Variants in PTPRQ observed in about 807,000 individuals in gnomAD.
The protein encoded by PTPRQ is protein tyrosine phosphatase receptor type Q.
Under a neutral mutation model 246.0 loss-of-function variants are expected in PTPRQ, and 199 were observed. The observed-to-expected ratio is 0.81, with a 90% confidence interval of 0.72 to 0.91. The LOEUF is 0.91. Ranked by LOEUF, PTPRQ falls within the 40% of genes least tolerant of loss-of-function variation. The pLI is 0.00. For synonymous variants in PTPRQ, 869 were observed against 853.2 expected (o/e 1.02, Z -0.32); for missense variants, 2,624 against 2,528.4 (o/e 1.04, Z -0.81).
At chr12:80,666,179 C>G (rs922153880) in intron 39 of PTPRQ, among the ~76,000 whole-genome samples, 1 of 151,900 alleles carries the variant, frequency 6.6e-6, no homozygotes, top group Non-Finnish European at 1.5e-5. Flanking sequence ...TATTCATCAA[C>G]AGATGAATGA....
At chr12:80,506,502 T>C (rs1565751990) in intron 15 of PTPRQ, 67 bp from the exon 16 acceptor site, 2 of 1,257,550 alleles carry the variant, frequency 1.6e-6, no homozygotes, top group Non-Finnish European at 2.2e-6. Flanking sequence ...CATTTCATAG[T>C]TTGCCTCTTG....
chr12:80,461,846 C>G (rs2120487377), intron 6 of PTPRQ: 1 of 150,488 alleles, frequency 6.6e-6, no homozygotes, highest in East Asian at 1.9e-4. Flanking sequence ...TTACATACTC[C>G]TTACTTTTTA....
At chr12:80,559,339 C>T (rs1329266130) in intron 25 of PTPRQ, among the ~76,000 whole-genome samples, 1 of 152,200 alleles carries the variant, frequency 6.6e-6, no homozygotes, top group African/African-American at 2.4e-5. Context: ...CCATCGCGCC[C>T]GGCCTGTAGT....
chr12:80,483,796 C>T (rs1208784561), intron 8 of PTPRQ, among the ~76,000 whole-genome samples: 1 of 151,876 alleles, frequency 6.6e-6, no homozygotes, highest in African/African-American at 2.4e-5. Flanking sequence ...CATGTGTTCT[C>T]ATTGTTCAGC....
intron 17 of PTPRQ, among the ~76,000 whole-genome samples, chr12:80,524,402 G>A (rs1253999893): frequency 1.3e-5 from 2 of 152,008 alleles, no homozygotes; most frequent in Non-Finnish European, 2.9e-5. Flanking sequence ...ATGATTGTGA[G>A]GCCTCCTAAG....
intron 26 of PTPRQ, among the ~76,000 whole-genome samples, chr12:80,597,276 G>T (rs1394319080): frequency 6.6e-6 from 1 of 151,880 alleles, no homozygotes; most frequent in Non-Finnish European, 1.5e-5. Context: ...GATTTATCCT[G>T]GCCCTAAGAC....
At chr12:80,493,530 T>C in intron 10 of PTPRQ, 75 bp downstream of exon 10, 1 of 1,439,032 alleles carries the variant, frequency 6.9e-7, no homozygotes, top group Non-Finnish European at 9.1e-7. Flanking sequence ...GAACCTAAGC[T>C]TAGAGTTCAG....
intron 25 of PTPRQ, chr12:80,584,025 T>C (rs546072004): frequency 2.3e-4 from 35 of 152,314 alleles, no homozygotes; most frequent in African/African-American, 8.2e-4. Flanking sequence ...TTTAAAGCTT[T>C]GACTTCCTTT....
intron 8 of PTPRQ, among the ~76,000 whole-genome samples, chr12:80,478,497 T>C (rs542877072): frequency 6.6e-6 from 1 of 152,290 alleles, no homozygotes; most frequent in Non-Finnish European, 1.5e-5. Context: ...AGGAATGCAG[T>C]TCCTCACCAG....
At chr12:80,446,469 G>A (rs918618841) in intron 3 of PTPRQ, among the ~76,000 whole-genome samples, 4 of 151,754 alleles carry the variant, frequency 2.6e-5, no homozygotes, top group African/African-American at 9.7e-5. Flanking sequence ...GGGGACATGT[G>A]TGCAGGTTTG....
chr12:80,535,115 G>T (rs1173642324), intron 19 of PTPRQ, 78 bp downstream of exon 19: 12 of 1,346,410 alleles, frequency 8.9e-6, no homozygotes, highest in Non-Finnish European at 1.2e-5. Flanking sequence ...CACAGTAAAA[G>T]AAATTGTTTA....
chr12:80,498,668 C>T (rs569974001), intron 14 of PTPRQ, among the ~76,000 whole-genome samples: 1 of 152,180 alleles, frequency 6.6e-6, no homozygotes, highest in South Asian at 2.1e-4. Flanking sequence ...TCTCTCTGTT[C>T]ATTGTTACAC....
intron 6 of PTPRQ, among the ~76,000 whole-genome samples, chr12:80,463,877 T>C (rs1287992965): frequency 2.6e-5 from 4 of 151,120 alleles, no homozygotes; most frequent in African/African-American, 9.8e-5. Context: ...GCACTAAACA[T>C]GGAAAGGAAC....
chr12:80,651,524 A>AG, intron 37 of PTPRQ, among the ~76,000 whole-genome samples: 1 of 152,022 alleles, frequency 6.6e-6, no homozygotes, highest in Non-Finnish European at 1.5e-5. Flanking sequence ...CTGAAAAGAG[A>AG]GAAAGCAATA....
intron 34 of PTPRQ, among the ~76,000 whole-genome samples, chr12:80,633,076 G>A (rs965277991): frequency 6.6e-6 from 1 of 152,062 alleles, no homozygotes; most frequent in East Asian, 1.9e-4. Context: ...ACTTTCGGCC[G>A]GCTGGCAAAG....
At chr12:80,678,761 G>A in intron 44 of PTPRQ, 36 bp downstream of exon 44, 1 of 1,517,310 alleles carries the variant, frequency 6.6e-7, no homozygotes, top group Non-Finnish European at 8.8e-7. Flanking sequence ...CAGCTTACTA[G>A]TTTACCACCT....
At position 80,569,829 on chromosome 12, in the gene PTPRQ, G is replaced by A. The variant is rs150048235; in HGVS notation, c.4286-18300G>A. 2.3e-4 allele frequency among the ~76,000 whole-genome samples: 35 copies of A among 149,750 alleles called. No homozygotes were observed. In the East Asian group the frequency reaches 3.8e-3, roughly 16 times the overall value. On this transcript the variant is annotated intron_variant, in intron 25 of 44. Transcript: ENST00000644991. ...TCAGCTCCCACTTATGAGAACACAC[G>A]ATATTTGGTTTTCTGTTCCTGTGTT...
At chr12:80,484,997 T>G (rs531207349) in intron 9 of PTPRQ, among the ~76,000 whole-genome samples, 1 of 152,276 alleles carries the variant, frequency 6.6e-6, no homozygotes, top group South Asian at 2.1e-4. Context: ...CTTTAGTAGC[T>G]GTTGTTGACA....
At chr12:80,668,762 T>C (rs911535112) in intron 39 of PTPRQ, among the ~76,000 whole-genome samples, 1 of 151,974 alleles carries the variant, frequency 6.6e-6, no homozygotes, top group Non-Finnish European at 1.5e-5. Flanking sequence ...TATTATTATG[T>C]AGTCCTTAAT....
Sources: allele counts gnomAD v4.1 joint callset (sites outside exome capture counted in the v4.1 genomes callset), GRCh38; gene constraint gnomAD v4.1.1; transcripts MANE v1.5; gene names NCBI Gene and HGNC (gene_info 2026-07-23, HGNC 2026-07-21).